Variants in CREBBP observed in about 807,000 individuals in gnomAD.
CREBBP encodes the protein CREB-binding protein.
In CREBBP, 19 loss-of-function variants were observed where a neutral mutation model predicts 265.0. The observed-to-expected ratio is 0.07, with a 90% CI of 0.05 to 0.11. The LOEUF is 0.11. CREBBP is among the 10% of genes least tolerant of loss of function. The pLI is 1.00. For missense variants in CREBBP, 2,525 were observed against 3,219.0 expected, an observed-to-expected ratio of 0.78 and a Z score of 5.22; for synonymous variants, 1,457 against 1,223.7, an observed-to-expected ratio of 1.19 and a Z score of -3.98.
chr16:3,875,032 AC>A (rs1054196516), intron 1 of CREBBP, among the ~76,000 whole-genome samples: 1 of 152,106 alleles, frequency 6.6e-6, no homozygotes, highest in African/African-American at 2.4e-5. Flanking sequence ...GCAATTATGG[AC>A]CCCCCAGGTA....
intron 5 of CREBBP, among the ~76,000 whole-genome samples, chr16:3,783,660 T>G (rs2053324166): frequency 6.6e-6 from 1 of 152,226 alleles, no homozygotes; most frequent in South Asian, 2.1e-4. Flanking sequence ...TGCATGGGTC[T>G]TATTATCCAG....
chr16:3,746,365 C>T (rs985100698), intron 21 of CREBBP, among the ~76,000 whole-genome samples: 2 of 151,978 alleles, frequency 1.3e-5, no homozygotes, highest in East Asian at 3.9e-4. Context: ...AAAAAACACA[C>T]ACACACAAAT....
intron 3 of CREBBP, among the ~76,000 whole-genome samples, chr16:3,801,512 T>C (rs977914349): frequency 6.6e-6 from 1 of 151,888 alleles, no homozygotes; most frequent in Non-Finnish European, 1.5e-5. Flanking sequence ...CTACTAAAAA[T>C]ATAAAAAATT....
chr16:3,745,043 T>A, intron 22 of CREBBP, 82 bp from the exon 23 acceptor site: 2 of 1,089,772 alleles, frequency 1.8e-6, no homozygotes, highest in Non-Finnish European at 2.8e-6. Context: ...TCAGATAGTT[T>A]GTTGGCAGTT....
In CREBBP at chr16:3,725,992, T is replaced by C. The variant is rs988963368; in HGVS notation, c.*1726A>G. 4 of 232,840 alleles carry C rather than the reference T, an allele frequency of 1.7e-5. No homozygotes were observed. The highest frequency in any genetic ancestry group is 2.5e-5 in the Non-Finnish European group (3 of 117,888). 14.4% of individuals were successfully genotyped at this position (232,840 alleles called of 1,614,324 possible). The stretch of plus-strand genomic sequence containing the variant: ...TTGTGAACTTGTCTCACCCACTCAG[T>C]AAGGGAGCCTGGAACTGGACTCCAA... On this transcript the variant is annotated 3_prime_UTR_variant, in exon 31 of 31. Coordinates refer to ENST00000262367, the MANE Select transcript of CREBBP (RefSeq NM_004380.3).
chr16:3,764,810 T>C (rs1262008251), intron 16 of CREBBP, among the ~76,000 whole-genome samples: 9 of 152,162 alleles, frequency 5.9e-5, no homozygotes, highest in Admixed American at 5.9e-4. Context: ...CTTGAACTCC[T>C]GGCTTCAAGT....
At chr16:3,874,867 C>T (rs968777014) in intron 1 of CREBBP, among the ~76,000 whole-genome samples, 4 of 152,286 alleles carry the variant, frequency 2.6e-5, no homozygotes, top group Non-Finnish European at 5.9e-5. Flanking sequence ...AGAGGGGTGC[C>T]CTCACTAATG....
intron 3 of CREBBP, among the ~76,000 whole-genome samples, chr16:3,801,420 G>A (rs191994601): frequency 8.7e-4 from 133 of 152,350 alleles, no homozygotes; most frequent in Non-Finnish European, 1.4e-3. Flanking sequence ...CTGTAATCCA[G>A]CCCTTTGGGA....
intron 1 of CREBBP, among the ~76,000 whole-genome samples, chr16:3,879,545 G>T (rs540423927): frequency 1.1e-3 from 160 of 152,342 alleles, no homozygotes; most frequent in African/African-American, 3.0e-3. Context: ...AAACCCACAC[G>T]CTGCACTTTA....
chr16:3,779,266 TG>T (rs1190483276), intron 8 of CREBBP, among the ~76,000 whole-genome samples: 2 of 150,342 alleles, frequency 1.3e-5, no homozygotes, highest in African/African-American at 5.0e-5. Flanking sequence ...TTTGAACTCC[TG>T]GGCTCAATGA....
chr16:3,866,977 T>G (rs1170962134), intron 1 of CREBBP, among the ~76,000 whole-genome samples: 1 of 152,230 alleles, frequency 6.6e-6, no homozygotes, highest in African/African-American at 2.4e-5. Flanking sequence ...TGAGTCATAC[T>G]CAGTGTTTTA....
At chr16:3,780,134 C>A (rs540873616) in intron 8 of CREBBP, among the ~76,000 whole-genome samples, 1 of 149,520 alleles carries the variant, frequency 6.7e-6, no homozygotes, top group Non-Finnish European at 1.5e-5. Flanking sequence ...CCCAGGTACT[C>A]GGGAGGCTGA....
At chr16:3,837,874 T>C (rs908869717) in intron 2 of CREBBP, among the ~76,000 whole-genome samples, 1 of 152,232 alleles carries the variant, frequency 6.6e-6, no homozygotes, top group Admixed American at 6.5e-5. Context: ...ATAAAGTCTA[T>C]AGCAGTGTAC....
chr16:3,730,209 CT>C (rs1449792077), intron 30 of CREBBP, among the ~76,000 whole-genome samples: 1 of 152,224 alleles, frequency 6.6e-6, no homozygotes, highest in Non-Finnish European at 1.5e-5. Context: ...CCAAGAACCC[CT>C]GGCCTGTAAG....
intron 1 of CREBBP, among the ~76,000 whole-genome samples, chr16:3,865,822 G>C (rs1311149062): frequency 6.6e-6 from 1 of 152,132 alleles, no homozygotes; most frequent in Non-Finnish European, 1.5e-5. Context: ...TATTTTAGTA[G>C]AGACGGGGTT....
At chr16:3,846,208 G>C (rs1230738236) in intron 2 of CREBBP, among the ~76,000 whole-genome samples, 1 of 152,120 alleles carries the variant, frequency 6.6e-6, no homozygotes, top group Non-Finnish European at 1.5e-5. Flanking sequence ...CAAAGATTAT[G>C]AACAATCAGT....
At chr16:3,841,770 A>C (rs2054570960) in intron 2 of CREBBP, among the ~76,000 whole-genome samples, 1 of 152,206 alleles carries the variant, frequency 6.6e-6, no homozygotes, top group South Asian at 2.1e-4. Context: ...ATTCCTTTAG[A>C]GCACAGATTC....
At chr16:3,875,460 G>C (rs776828768) in intron 1 of CREBBP, among the ~76,000 whole-genome samples, 2 of 152,068 alleles carry the variant, frequency 1.3e-5, no homozygotes, top group Admixed American at 6.5e-5. Flanking sequence ...GCCCACACAC[G>C]TCACGCTGAG....
intron 1 of CREBBP, among the ~76,000 whole-genome samples, chr16:3,864,567 G>C (rs1327591703): frequency 6.6e-6 from 1 of 152,174 alleles, no homozygotes; most frequent in Admixed American, 6.5e-5. Context: ...AGGACTGCTT[G>C]AGCCCAGGAG....
Sources: allele counts gnomAD v4.1 joint callset (sites outside exome capture counted in the v4.1 genomes callset), GRCh38; gene constraint gnomAD v4.1.1; transcripts MANE v1.5; gene names NCBI Gene and HGNC (gene_info 2026-07-23, HGNC 2026-07-21).